RAB3C: variants seen among roughly 807,000 people sequenced by gnomAD.
The protein encoded by RAB3C is RAB3C, member RAS oncogene family.
A neutral mutation model predicts 26.4 loss-of-function variants in RAB3C; 17 were observed. The observed-to-expected ratio is 0.64, with a 90% CI of 0.44 to 0.97. The LOEUF (loss-of-function observed/expected upper bound fraction) is 0.97, where lower values mean the gene tolerates loss of function less well. Ranked by LOEUF, RAB3C falls within the 50% of genes least tolerant of loss-of-function variation. RAB3C has a pLI of 0.00. For missense variants in RAB3C, 242 were observed against 281.9 expected (o/e 0.86, Z 1.01); for synonymous variants, 91 against 95.9 (o/e 0.95, Z 0.30).
intron 2 of RAB3C, among the ~76,000 whole-genome samples, chr5:58,648,859 A>G (rs112271774): frequency 5.3e-5 from 8 of 152,148 alleles, no homozygotes; most frequent in Non-Finnish European, 1.0e-4. Context: ...CCTGGGGGAC[A>G]GTTCTCCTGA....
intron 1 of RAB3C, among the ~76,000 whole-genome samples, chr5:58,590,040 C>T (rs1746096210): frequency 6.6e-6 from 1 of 152,216 alleles, no homozygotes; most frequent in South Asian, 2.1e-4. Context: ...CCAGCCAACA[C>T]ATTGATTTTA....
At position 58,854,190 on chromosome 5, in the gene RAB3C, T is replaced by C. The variant is rs1030986070; in HGVS notation, c.*2839T>C. On this transcript the variant is annotated 3_prime_UTR_variant, in exon 5 of 5. Coordinates refer to ENST00000282878, the MANE Select transcript of RAB3C (RefSeq NM_138453.4). The stretch of plus-strand genomic sequence containing the variant: ...GACTTTTAAAAAGTACATACTCCTG[T>C]TGGTTTGTAAGTTATACACATTTAT... The C allele has an allele frequency of 2.6e-5, 4 of 152,194 alleles. No homozygotes were observed. The highest frequency in any genetic ancestry group is 9.6e-5 in the African/African-American group (4 of 41,452). 9.4% of individuals were successfully genotyped at this position (152,194 alleles called of 1,614,324 possible).
chr5:58,669,740 GA>G (rs1210234437), intron 2 of RAB3C, among the ~76,000 whole-genome samples: 1 of 152,156 alleles, frequency 6.6e-6, no homozygotes, highest in African/African-American at 2.4e-5. Flanking sequence ...AGGATCAAAT[GA>G]ATGACTCATG....
chr5:58,732,872 T>C (rs1741057016), intron 3 of RAB3C, among the ~76,000 whole-genome samples: 2 of 152,314 alleles, frequency 1.3e-5, no homozygotes, highest in East Asian at 3.9e-4. Flanking sequence ...CTTGAACTTC[T>C]CATACCTCTG....
In RAB3C at chr5:58,713,537, A is replaced by G. The variant is rs1402760321; in HGVS notation, c.253-12465A>G. On this transcript the variant is annotated intron_variant, in intron 2 of 4. Transcript: ENST00000282878. ...AGGGCAAGAACTGCACATGGCAGAGAAATATTCTTATTTTAGAGGCAGACT... is the reference window on the plus strand; with the variant it reads ...AGGGCAAGAACTGCACATGGCAGAGGAATATTCTTATTTTAGAGGCAGACT... Among the ~76,000 whole-genome samples the G allele has an allele frequency of 3.9e-5, 6 of 152,308 alleles. No homozygotes were observed. In the East Asian group the frequency reaches 1.2e-3, roughly 29 times the overall value.
intron 2 of RAB3C, among the ~76,000 whole-genome samples, chr5:58,680,724 G>A (rs158995): frequency 0.34 from 51,262 of 151,956 alleles, 8,963 homozygotes; most frequent in East Asian, 0.42. Flanking sequence ...TCCTCCATCA[G>A]CACATCTCTT....
intron 2 of RAB3C, among the ~76,000 whole-genome samples, chr5:58,626,483 C>G (rs1484701375): frequency 2.0e-5 from 3 of 152,106 alleles, no homozygotes; most frequent in African/African-American, 7.2e-5. Context: ...CCCCCTAAGA[C>G]AAAAATATCA....
At chr5:58,672,761 A>G (rs1748146286) in intron 2 of RAB3C, among the ~76,000 whole-genome samples, 1 of 152,242 alleles carries the variant, frequency 6.6e-6, no homozygotes, top group South Asian at 2.1e-4. Context: ...GTGACAACCT[A>G]GATAACCTTT....
chr5:58,585,619 A>G (rs941382582), intron 1 of RAB3C, among the ~76,000 whole-genome samples: 15 of 152,010 alleles, frequency 9.9e-5, no homozygotes, highest in Non-Finnish European at 1.3e-4. Context: ...TACTTCTTGT[A>G]TTTTCTTAAA....
At chr5:58,718,369 T>G (rs1561299287) in intron 2 of RAB3C, among the ~76,000 whole-genome samples, 1 of 152,044 alleles carries the variant, frequency 6.6e-6, no homozygotes, top group African/African-American at 2.4e-5. Flanking sequence ...TCTCCAACTT[T>G]CATGAGCAGA....
At chr5:58,801,953 A>T (rs937772100) in intron 3 of RAB3C, among the ~76,000 whole-genome samples, 1 of 152,242 alleles carries the variant, frequency 6.6e-6, no homozygotes, top group Admixed American at 6.5e-5. Context: ...ATTCTTTTCC[A>T]TTCTCCATAA....
chr5:58,723,435 T>G (rs939654899), intron 2 of RAB3C, among the ~76,000 whole-genome samples: 1 of 151,876 alleles, frequency 6.6e-6, no homozygotes, highest in Non-Finnish European at 1.5e-5. Flanking sequence ...TAGCTAATTT[T>G]CAGTTCCATT....
At position 58,859,343 on chromosome 5, in the gene RAB3C, T is replaced by C. The variant is rs939490262; in HGVS notation, c.*7992T>C. ...GAAAGTGGTTTTTGTTCTTTGAGTTTGTTTTATTTCTTGAAGATTACAATA... is the reference window on the plus strand; with the variant it reads ...GAAAGTGGTTTTTGTTCTTTGAGTTCGTTTTATTTCTTGAAGATTACAATA... On this transcript the variant is annotated 3_prime_UTR_variant, in exon 5 of 5. Coordinates refer to ENST00000282878, the MANE Select transcript of RAB3C (RefSeq NM_138453.4). 2 of 152,236 alleles carry C rather than the reference T, an allele frequency of 1.3e-5. No homozygotes were observed. Among genetic ancestry groups the C allele is most frequent in the Non-Finnish European group, 2.9e-5 (2 of 68,040 alleles). 9.4% of individuals were successfully genotyped at this position (152,236 alleles called of 1,614,324 possible). A position where few individuals can be genotyped will look rare whatever the true frequency, so the allele number is the denominator to read the frequency against.
chr5:58,810,844 G>C (rs1214226038), intron 3 of RAB3C, among the ~76,000 whole-genome samples: 1 of 152,200 alleles, frequency 6.6e-6, no homozygotes, highest in Non-Finnish European at 1.5e-5. Flanking sequence ...TGATCCACCC[G>C]CCTTGGCATC....
At chr5:58,632,539 A>G (rs2111751093) in intron 2 of RAB3C, among the ~76,000 whole-genome samples, 1 of 152,330 alleles carries the variant, frequency 6.6e-6, no homozygotes, top group East Asian at 1.9e-4. Flanking sequence ...GTCTATAAAC[A>G]TTGATGATGG....
intron 1 of RAB3C, 159 bp downstream of exon 1, chr5:58,583,391 A>T (rs1745946362): frequency 4.1e-6 from 4 of 967,330 alleles, no homozygotes; most frequent in African/African-American, 1.8e-5. Flanking sequence ...GGGTTTCTTT[A>T]CGCTCTGTGT....
chr5:58,769,178 G>A (rs1377889598), intron 3 of RAB3C, among the ~76,000 whole-genome samples: 1 of 152,056 alleles, frequency 6.6e-6, no homozygotes, highest in Non-Finnish European at 1.5e-5. Context: ...AGCTTTGGAT[G>A]GCAGGAAGAG....
chr5:58,824,620 G>A (rs527893708), intron 3 of RAB3C, among the ~76,000 whole-genome samples: 1 of 152,260 alleles, frequency 6.6e-6, no homozygotes, highest in East Asian at 1.9e-4. Flanking sequence ...CTGTAAATAG[G>A]TTGGGCAGCC....
chr5:58,725,982 A>AT lies in RAB3C; in HGVS notation c.253-10dup, dbSNP rs745411875. On this transcript the variant is annotated intron_variant, in intron 2 of 4. Transcript: ENST00000282878. ...ATTGCCTTATTTCTGAGAGATTATC[A>AT]TTTTTTTTTTATTCTTTAGGACACA... The AT allele has an allele frequency of 5.5e-3, 6,767 of 1,236,240 alleles. No homozygotes were observed. The highest frequency in any genetic ancestry group is 0.01 in the South Asian group (673 of 67,136). The allele number at this position is 1,236,240 out of a possible 1,614,324, so 76.6% of individuals were successfully genotyped here. A position where few individuals can be genotyped will look rare whatever the true frequency, so the allele number is the denominator to read the frequency against.
Sources: gnomAD v4.1 joint callset for allele counts (sites outside exome capture counted in the v4.1 genomes callset) on GRCh38, gnomAD v4.1.1 for gene constraint, MANE v1.5 for transcripts, NCBI Gene and HGNC (gene_info 2026-07-23, HGNC 2026-07-21) for gene names.